Variants in FRMD4B observed in about 807,000 individuals in gnomAD.
FRMD4B encodes the protein FERM domain containing 4B.
In FRMD4B, 74 loss-of-function variants were observed where a neutral mutation model predicts 141.5. The ratio of observed to expected loss-of-function variants is 0.52; its 90% CI spans 0.43 to 0.63. The LOEUF (loss-of-function observed/expected upper bound fraction) is 0.63, where lower values mean the gene tolerates loss of function less well. FRMD4B is among the 30% of genes least tolerant of loss of function. The pLI is 0.00. For synonymous variants in FRMD4B, 506 were observed against 467.9 expected (o/e 1.08, Z -1.05); for missense variants, 1,366 against 1,253.4 (o/e 1.09, Z -1.36).
At chr3:69,480,678 G>A (rs534211778) in intron 1 of FRMD4B, among the ~76,000 whole-genome samples, 6 of 152,326 alleles carry the variant, frequency 3.9e-5, no homozygotes, top group African/African-American at 1.4e-4. Flanking sequence ...CACTTGAGGA[G>A]GCAGTCTGCC....
intron 2 of FRMD4B, among the ~76,000 whole-genome samples, chr3:69,410,231 G>A (rs145309863): frequency 2.1e-4 from 32 of 152,184 alleles, no homozygotes; most frequent in African/African-American, 4.8e-4. Context: ...CAGGACACTC[G>A]GGCCAATTTC....
At chr3:69,381,211 G>C (rs949418962) in intron 1 of FRMD4B, among the ~76,000 whole-genome samples, 1 of 152,142 alleles carries the variant, frequency 6.6e-6, no homozygotes, top group East Asian at 1.9e-4. Context: ...AATTATTCAT[G>C]GTTTGTTGGC....
chr3:69,413,852 G>A (rs1392753637), intron 2 of FRMD4B, among the ~76,000 whole-genome samples: 1 of 152,088 alleles, frequency 6.6e-6, no homozygotes, highest in African/African-American at 2.4e-5. Flanking sequence ...TGGTGTAAAC[G>A]GCTCCTACGT....
intron 1 of FRMD4B, among the ~76,000 whole-genome samples, chr3:69,371,669 G>A (rs1198722484): frequency 6.6e-6 from 1 of 152,148 alleles, no homozygotes; most frequent in African/African-American, 2.4e-5. Context: ...TAGTTTGAAG[G>A]TAGAGCCAAA....
At chr3:69,430,006 C>T (rs1018128005) in intron 2 of FRMD4B, among the ~76,000 whole-genome samples, 3 of 151,908 alleles carry the variant, frequency 2.0e-5, no homozygotes, top group African/African-American at 7.3e-5. Context: ...AGTGATCCAC[C>T]CACCTCAGCC....
intron 1 of FRMD4B, among the ~76,000 whole-genome samples, chr3:69,385,472 C>T (rs1245642199): frequency 1.3e-5 from 2 of 152,146 alleles, no homozygotes; most frequent in Non-Finnish European, 2.9e-5. Context: ...CACTCCCACC[C>T]CCAATGAAAT....
intron 2 of FRMD4B, among the ~76,000 whole-genome samples, chr3:69,393,624 C>T (rs6763002): frequency 0.31 from 46,550 of 151,946 alleles, 7,837 homozygotes; most frequent in Admixed American, 0.41. Context: ...TCAACAATGA[C>T]AAAAATAAAA....
chr3:69,303,998 AG>A (rs1175023046), intron 3 of FRMD4B, among the ~76,000 whole-genome samples: 1 of 152,156 alleles, frequency 6.6e-6, no homozygotes, highest in East Asian at 1.9e-4. Flanking sequence ...TTTTAAAAAA[AG>A]TACAGGGTCG....
At chr3:69,507,852 GT>G (rs879770416) in intron 1 of FRMD4B, among the ~76,000 whole-genome samples, 64 of 151,016 alleles carry the variant, frequency 4.2e-4, no homozygotes, top group Non-Finnish European at 8.0e-4. Flanking sequence ...GGAAAAATAG[GT>G]TTTTTTTTCA....
intron 1 of FRMD4B, among the ~76,000 whole-genome samples, chr3:69,444,242 T>G (rs1358860272): frequency 6.6e-6 from 1 of 152,154 alleles, no homozygotes; most frequent in East Asian, 1.9e-4. Flanking sequence ...TTAATTAAAC[T>G]CTTTGTTTAC....
intron 1 of FRMD4B, among the ~76,000 whole-genome samples, chr3:69,337,335 C>A (rs895529095): frequency 2.0e-5 from 3 of 152,158 alleles, no homozygotes; most frequent in Non-Finnish European, 4.4e-5. Context: ...AAATGTTAGA[C>A]CTAAAACCAT....
At chr3:69,451,169 G>A (rs760803212) in intron 1 of FRMD4B, among the ~76,000 whole-genome samples, 4 of 152,192 alleles carry the variant, frequency 2.6e-5, no homozygotes. Flanking sequence ...GATGATGTGT[G>A]ATTTTATCAT....
At chr3:69,344,448 TA>T (rs1183608544) in intron 1 of FRMD4B, among the ~76,000 whole-genome samples, 1 of 152,186 alleles carries the variant, frequency 6.6e-6, no homozygotes, top group Non-Finnish European at 1.5e-5. Flanking sequence ...AATAGGGAAG[TA>T]ACTACAAATA....
At chr3:69,209,853 A>G (rs537636124) in intron 11 of FRMD4B, among the ~76,000 whole-genome samples, 1 of 152,342 alleles carries the variant, frequency 6.6e-6, no homozygotes, top group South Asian at 2.1e-4. Flanking sequence ...CTCATCTAGA[A>G]TTTCAGCAGT....
At position 69,181,634 on chromosome 3, in the gene FRMD4B, C is replaced by G. The variant is rs746193724; in HGVS notation, c.2116G>C (p.Asp706His). 6.2e-7 allele frequency: 1 copy of G among 1,613,624 alleles called. No homozygotes were observed. The highest frequency in any genetic ancestry group is 1.1e-5 in the South Asian group (1 of 91,066). ...AGGGAGAAAAATGGCTTATCGCTGT[C>G]CATCTCGGAGAGCAGGTGGGACTGG... Reference protein sequence around the residue: ...ESQSHLLSEMDSDKPFFSLSK... With the variant: ...ESQSHLLSEMHSDKPFFSLSK... The change falls in exon 21 of 23, where the codon GAC becomes CAC. Residue 706 changes from aspartate (D) to histidine (H), a missense_variant. Physicochemically the swap from Asp to His is moderately conservative, Grantham distance 81. Transcript: ENST00000398540.
chr3:69,450,751 C>A (rs1705484278), intron 1 of FRMD4B, among the ~76,000 whole-genome samples: 1 of 144,046 alleles, frequency 6.9e-6, no homozygotes, highest in African/African-American at 2.6e-5. Context: ...TGAAACTCCA[C>A]CTCCAAAACA....
chr3:69,294,795 G>T (rs140140056), intron 4 of FRMD4B, among the ~76,000 whole-genome samples: 3 of 152,326 alleles, frequency 2.0e-5, no homozygotes, highest in African/African-American at 7.2e-5. Context: ...AAAACAGCCT[G>T]CTCTAGTCCT....
At chr3:69,199,053 G>A (rs932385609) in intron 11 of FRMD4B, 5 of 314,014 alleles carry the variant, frequency 1.6e-5, no homozygotes, top group African/African-American at 8.7e-5. Flanking sequence ...GGTGGATCAC[G>A]AGGTCAGGAG....
At position 69,180,809 on chromosome 3, in the gene FRMD4B, T is replaced by C. The variant is rs896847888; in HGVS notation, c.2851+90A>G. ...TTGCCCCACTTTTGACCCTGAGTAC[T>C]GGTCTCATGATCCGTGAGGCGGTTT... On this transcript the variant is annotated intron_variant, in intron 21 of 22. Transcript: ENST00000398540. The C allele has an allele frequency of 4.7e-6, 4 of 849,960 alleles. No homozygotes were observed. In the African/African-American group the frequency reaches 6.7e-5, roughly 14 times the overall value. 52.7% of individuals were successfully genotyped at this position (849,960 alleles called of 1,614,324 possible).
Sources: gnomAD v4.1 joint callset for allele counts (sites outside exome capture counted in the v4.1 genomes callset) on GRCh38, gnomAD v4.1.1 for gene constraint, MANE v1.5 for transcripts, NCBI Gene and HGNC (gene_info 2026-07-23, HGNC 2026-07-21) for gene names.